RIMKLB: variants seen among roughly 807,000 people sequenced by gnomAD.
The protein encoded by RIMKLB is beta-citrylglutamate synthase B.
Under a neutral mutation model 32.0 loss-of-function variants are expected in RIMKLB, and 7 were observed. The ratio of observed to expected loss-of-function variants is 0.22; its 90% CI spans 0.12 to 0.41. The LOEUF (loss-of-function observed/expected upper bound fraction) is 0.41. Ranked by LOEUF, RIMKLB falls within the 10% of genes least tolerant of loss-of-function variation. The probability of loss-of-function intolerance (pLI) is 1.00; values close to 1 mark genes in which losing one functional copy is unlikely to be tolerated. For missense variants in RIMKLB, 289 were observed against 498.7 expected (o/e 0.58, Z 4.00); for synonymous variants, 172 against 185.1 (o/e 0.93, Z 0.57).
chr12:8,683,021 T>C (rs1217519117), intron 1 of RIMKLB, among the ~76,000 whole-genome samples: 4 of 152,130 alleles, frequency 2.6e-5, no homozygotes, highest in Admixed American at 6.6e-5. Context: ...ATGTGGACTT[T>C]TCAGATTGAC....
chr12:8,782,122 GAACTGAAAGA>G (rs1951110650), downstream of RIMKLB, among the ~76,000 whole-genome samples: 1 of 133,878 alleles, frequency 7.5e-6, no homozygotes, highest in Non-Finnish European at 1.7e-5. Flanking sequence ...TAATGCTTTA[GAACTGAAAGA>G]AAATGATAAA....
chr12:8,744,613 A>G (rs1947903590), intron 2 of RIMKLB, among the ~76,000 whole-genome samples: 1 of 151,078 alleles, frequency 6.6e-6, no homozygotes, highest in African/African-American at 2.4e-5. Context: ...TGATTTTCTT[A>G]TTTTTTATAA....
intron 1 of RIMKLB, among the ~76,000 whole-genome samples, chr12:8,699,373 T>C (rs1943184475): frequency 6.6e-6 from 1 of 152,208 alleles, no homozygotes. Flanking sequence ...ACTTTCACAA[T>C]ATTGGGTACC....
rs1050952500 is a variant in RIMKLB, at chr12:8,767,121, C to T, written c.698-6200C>T. Among the ~76,000 whole-genome samples, 18 of 152,342 alleles carry T rather than the reference C, an allele frequency of 1.2e-4. No homozygotes were observed. In the South Asian group the frequency reaches 2.1e-3, roughly 18 times the overall value. On this transcript the variant is annotated intron_variant, in intron 5 of 5. Coordinates refer to ENST00000535829, the MANE Select transcript of RIMKLB (RefSeq NM_001297776.2). ...GTAGTATTGGAGTGTTACAGGGTCACGGAGAAGACCTTCCATTATCAATTA... is the reference window on the plus strand; with the variant it reads ...GTAGTATTGGAGTGTTACAGGGTCATGGAGAAGACCTTCCATTATCAATTA...
intron 1 of RIMKLB, among the ~76,000 whole-genome samples, chr12:8,705,688 G>A (rs986870136): frequency 7.9e-5 from 12 of 152,052 alleles, no homozygotes; most frequent in South Asian, 2.1e-4. Flanking sequence ...AATTGTATAC[G>A]TATTTTAAGC....
chr12:8,731,574 T>A (rs1946551195), intron 2 of RIMKLB, among the ~76,000 whole-genome samples: 1 of 152,008 alleles, frequency 6.6e-6, no homozygotes, highest in Non-Finnish European at 1.5e-5. Flanking sequence ...TGGTAAACAA[T>A]CTTTGCTGTG....
At chr12:8,738,098 ATT>A (rs1263651313) in intron 2 of RIMKLB, among the ~76,000 whole-genome samples, 1 of 152,144 alleles carries the variant, frequency 6.6e-6, no homozygotes, top group East Asian at 1.9e-4. Flanking sequence ...TTTTGCTTAA[ATT>A]GTCAGGGTTA....
chr12:8,678,180 T>G (rs1280481114), upstream of RIMKLB, among the ~76,000 whole-genome samples: 8 of 151,498 alleles, frequency 5.3e-5, no homozygotes, highest in Admixed American at 1.3e-4. Context: ...AATTAAAAAT[T>G]TTTTTTTAAT....
At chr12:8,712,693 C>T (rs1284625133) in intron 1 of RIMKLB, among the ~76,000 whole-genome samples, 7 of 152,122 alleles carry the variant, frequency 4.6e-5, no homozygotes, top group African/African-American at 1.7e-4. Flanking sequence ...TCTGATGGGG[C>T]CTCTGCCCAG....
chr12:8,683,800 T>G (rs1325208563), intron 1 of RIMKLB, among the ~76,000 whole-genome samples: 1 of 152,108 alleles, frequency 6.6e-6, no homozygotes, highest in East Asian at 1.9e-4. Flanking sequence ...CAGGCTAGAG[T>G]GTGGTGGCAC....
chr12:8,744,526 C>G (rs1403741959), intron 2 of RIMKLB, among the ~76,000 whole-genome samples: 2 of 151,668 alleles, frequency 1.3e-5, no homozygotes, highest in Non-Finnish European at 2.9e-5. Context: ...GTCTTTCTTC[C>G]TGATGACTCA....
chr12:8,680,151 T>G (rs1942377560), upstream of RIMKLB, among the ~76,000 whole-genome samples: 1 of 151,888 alleles, frequency 6.6e-6, no homozygotes. Flanking sequence ...AAGGCATAAA[T>G]AAGCCACGCC....
rs1055899938 is a variant in RIMKLB, at chr12:8,742,710, C to G, written c.176-7152C>G. ...CAGCCTGTGCTGAAGTTTGCTACCACCACTGGAGCCACTCCTGTTGCTGGT... is the reference window on the plus strand; with the variant it reads ...CAGCCTGTGCTGAAGTTTGCTACCAGCACTGGAGCCACTCCTGTTGCTGGT... On this transcript the variant is annotated intron_variant, in intron 2 of 5. Transcript: ENST00000535829. 8 of 220,454 alleles carry G rather than the reference C, an allele frequency of 3.6e-5. No individual in the cohort carries two copies. In the South Asian group the frequency reaches 4.8e-4, roughly 13 times the overall value. The allele number at this position is 220,454 out of a possible 1,614,324, so 13.7% of individuals were successfully genotyped here. A position where few individuals can be genotyped will look rare whatever the true frequency, so the allele number is the denominator to read the frequency against.
chr12:8,727,673 C>T (rs1315688677), intron 2 of RIMKLB, among the ~76,000 whole-genome samples: 5 of 152,032 alleles, frequency 3.3e-5, no homozygotes, highest in Non-Finnish European at 5.9e-5. Flanking sequence ...CTGAGGCGGG[C>T]GGATCAGTTG....
intron 2 of RIMKLB, among the ~76,000 whole-genome samples, chr12:8,738,371 A>C (rs1947209389): frequency 6.6e-6 from 1 of 152,184 alleles, no homozygotes; most frequent in African/African-American, 2.4e-5. Context: ...ATACATCCTA[A>C]GTGTTTCTGC....
At chr12:8,720,601 GGC>G (rs1317115357) in intron 2 of RIMKLB, among the ~76,000 whole-genome samples, 1 of 152,178 alleles carries the variant, frequency 6.6e-6, no homozygotes, top group African/African-American at 2.4e-5. Flanking sequence ...GGAGTGCAGT[GGC>G]GCGATCTCGC....
intron 5 of RIMKLB, among the ~76,000 whole-genome samples, chr12:8,767,281 G>C (rs1001270536): frequency 6.6e-6 from 1 of 151,994 alleles, no homozygotes; most frequent in Non-Finnish European, 1.5e-5. Context: ...ACAAACTTGG[G>C]GCCCTGGCAA....
chr12:8,717,009 T>C (rs1031592725), intron 2 of RIMKLB, among the ~76,000 whole-genome samples: 3 of 151,588 alleles, frequency 2.0e-5, no homozygotes, highest in Admixed American at 6.6e-5. Flanking sequence ...TTTCAGACTT[T>C]TTGTTGATGT....
intron 5 of RIMKLB, among the ~76,000 whole-genome samples, chr12:8,772,834 AT>A (rs1208207499): frequency 6.6e-6 from 1 of 152,210 alleles, no homozygotes; most frequent in African/African-American, 2.4e-5. Context: ...GACTTCACTT[AT>A]ATCCAGCCAG....
Sources: allele counts gnomAD v4.1 joint callset (sites outside exome capture counted in the v4.1 genomes callset), GRCh38; gene constraint gnomAD v4.1.1; transcripts MANE v1.5; gene names NCBI Gene and HGNC (gene_info 2026-07-23, HGNC 2026-07-21).